PAK2: variants seen among roughly 807,000 people sequenced by gnomAD.
PAK2 encodes the protein p21 (RAC1) activated kinase 2.
Under a neutral mutation model 65.9 loss-of-function variants are expected in PAK2, and 21 were observed. The ratio of observed to expected loss-of-function variants is 0.32; its 90% CI spans 0.23 to 0.46. The LOEUF is 0.46. Ranked by LOEUF, PAK2 falls within the 20% of genes least tolerant of loss-of-function variation. The probability of loss-of-function intolerance (pLI) is 1.00; values close to 1 mark genes in which losing one functional copy is unlikely to be tolerated. For missense variants in PAK2, 324 were observed against 642.6 expected, an observed-to-expected ratio of 0.50 and a Z score of 5.36; for synonymous variants, 204 against 219.7, an observed-to-expected ratio of 0.93 and a Z score of 0.63.
rs150912971 is a variant in PAK2 at position 196,794,935 on chromosome 3, C to G, written c.188-6992C>G. Among the ~76,000 whole-genome samples the G allele has an allele frequency of 3.5e-3, 535 of 152,084 alleles. 16 individuals carry two copies. Among genetic ancestry groups the G allele is most frequent in the Admixed American group, 0.023 (359 of 15,286 alleles). ...TGGAAAGGAGGCAGCAACCTAGGCT[C>G]GGGGGTGAGGAAAAGAAAGAAAATC... On this transcript the variant is annotated intron_variant, in intron 2 of 14. Coordinates refer to ENST00000327134, the MANE Select transcript of PAK2 (RefSeq NM_002577.4).
At chr3:196,817,298 G>T (rs1711510802) in intron 11 of PAK2, among the ~76,000 whole-genome samples, 1 of 151,142 alleles carries the variant, frequency 6.6e-6, no homozygotes, top group Non-Finnish European at 1.5e-5. Flanking sequence ...CCAAGTAGCT[G>T]GGATTACAGG....
Position 196,820,573 on chromosome 3 carries a change from A to G in PAK2, c.1350+6A>G. 1 of 1,514,848 alleles carries G rather than the reference A, an allele frequency of 6.6e-7. No homozygotes were observed. Among genetic ancestry groups the G allele is most frequent in the South Asian group, 1.2e-5 (1 of 84,358 alleles). The allele number at this position is 1,514,848 out of a possible 1,614,324, so 93.8% of individuals were successfully genotyped here. A position where few individuals can be genotyped will look rare whatever the true frequency, so the allele number is the denominator to read the frequency against. Reference sequence around the variant, plus strand: ...TCAATGAAAATCCCTTGAGGGTAAGATGAGTTAAACACCAGCCTTGTTCAA... The same window carrying G: ...TCAATGAAAATCCCTTGAGGGTAAGGTGAGTTAAACACCAGCCTTGTTCAA... On this transcript the variant is annotated splice_donor_region_variant and intron_variant, in intron 13 of 14. Transcript: ENST00000327134. The surrounding 1 kb of genome is among the most constrained non-coding windows in gnomAD (Gnocchi z 4.6).
At chr3:196,770,822 TA>T (rs911570636) in intron 1 of PAK2, among the ~76,000 whole-genome samples, 2 of 151,836 alleles carry the variant, frequency 1.3e-5, no homozygotes, top group African/African-American at 4.9e-5. Context: ...AGGGCTTCAC[TA>T]TGTTGACCAG....
intron 1 of PAK2, among the ~76,000 whole-genome samples, chr3:196,749,351 C>T (rs1713494082): frequency 6.6e-6 from 1 of 152,076 alleles, no homozygotes; most frequent in South Asian, 2.1e-4. Flanking sequence ...TGTATCACTT[C>T]ACGTTTCCAC....
chr3:196,774,047 C>CA (rs1479927753), intron 1 of PAK2, among the ~76,000 whole-genome samples: 3 of 151,910 alleles, frequency 2.0e-5, no homozygotes, highest in African/African-American at 4.8e-5. Flanking sequence ...AAAACAACAA[C>CA]AAAAAAAATC....
intron 1 of PAK2, among the ~76,000 whole-genome samples, chr3:196,768,701 C>T (rs1714262690): frequency 1.3e-5 from 2 of 151,698 alleles, no homozygotes; most frequent in South Asian, 4.2e-4. Context: ...GAGTCTTGCT[C>T]TGTCCCTCAG....
chr3:196,810,474 A>C, intron 7 of PAK2, 116 bp from the exon 8 acceptor site: 1 of 698,386 alleles, frequency 1.4e-6, no homozygotes, highest in Non-Finnish European at 2.5e-6. Context: ...GGAACTTAGT[A>C]TTATGTTTGA....
chr3:196,747,401 A>G (rs1396039009), intron 1 of PAK2: 1 of 152,192 alleles, frequency 6.6e-6, no homozygotes, highest in Non-Finnish European at 1.5e-5. Context: ...TTGGCTGCAC[A>G]TTCTAATTTA....
At chr3:196,763,123 TATTGGA>T (rs1033053969) in intron 1 of PAK2, among the ~76,000 whole-genome samples, 35 of 152,024 alleles carry the variant, frequency 2.3e-4, no homozygotes, top group Non-Finnish European at 3.7e-4. Flanking sequence ...ATCCAGACCT[TATTGGA>T]GAGAGCGTGG....
rs1307116521 is a variant in PAK2 at position 196,830,235 on chromosome 3, AAAT to A, written c.*1834_*1836del. 6.6e-6 allele frequency: 1 copy of A among 152,188 alleles called. No individual in the cohort carries two copies. The highest frequency in any genetic ancestry group is 2.4e-5 in the African/African-American group (1 of 41,442). 9.4% of individuals were successfully genotyped at this position (152,188 alleles called of 1,614,324 possible). On this transcript the variant is annotated 3_prime_UTR_variant, in exon 15 of 15. Transcript: ENST00000327134. ...GGCAAGATTTTCAGAAAAATGAGTA[AAAT>A]AATTAATGAAACATATTTAGAGCAC...
At chr3:196,767,773 C>T (rs144659414) in intron 1 of PAK2, among the ~76,000 whole-genome samples, 239 of 152,142 alleles carry the variant, frequency 1.6e-3, no homozygotes, top group Non-Finnish European at 2.7e-3. Context: ...GGATTACAGG[C>T]GTGAGCCACC....
Position 196,800,390 on chromosome 3 carries a change from AAAAG to A in PAK2, c.188-1521_188-1518del, listed in dbSNP as rs764218689. ...GAATGAGACTCCCTGTTAAAAAAGA[AAAAG>A]AAAGAAAGAAAGAAATTCTCCTTAA... is the stretch of plus-strand genomic sequence containing the variant. On this transcript the variant is annotated intron_variant, in intron 2 of 14. Coordinates refer to ENST00000327134, the MANE Select transcript of PAK2 (RefSeq NM_002577.4). Among the ~76,000 whole-genome samples the A allele has an allele frequency of 1.1e-4, 16 of 152,156 alleles. No individual in the cohort carries two copies. The South Asian group carries it at 1.2e-3, about 12-fold the overall frequency.
At chr3:196,743,208 T>A (rs965860885) in intron 1 of PAK2, among the ~76,000 whole-genome samples, 2 of 152,224 alleles carry the variant, frequency 1.3e-5, no homozygotes, top group African/African-American at 4.8e-5. Flanking sequence ...CCTGCCTGGT[T>A]AAGGGTAGTC....
chr3:196,782,440 G>C (rs1471529690), intron 1 of PAK2, among the ~76,000 whole-genome samples, 186 bp from the exon 2 acceptor site: 1 of 152,092 alleles, frequency 6.6e-6, no homozygotes, highest in Admixed American at 6.6e-5. Flanking sequence ...ACCATTACCA[G>C]CTTTGTTGGG....
At chr3:196,743,395 T>C (rs1394519292) in intron 1 of PAK2, among the ~76,000 whole-genome samples, 1 of 152,196 alleles carries the variant, frequency 6.6e-6, no homozygotes, top group African/African-American at 2.4e-5. Context: ...TTCTCACCTG[T>C]AAGATGGGGA....
intron 2 of PAK2, among the ~76,000 whole-genome samples, chr3:196,786,483 C>T (rs559440908): frequency 4.6e-5 from 7 of 151,994 alleles, no homozygotes; most frequent in African/African-American, 1.7e-4. Flanking sequence ...TTTTGTGGTT[C>T]GAGCTTTTTG....
rs1712087882 is a variant in PAK2, at chr3:196,831,586, C to T, written c.*3181C>T. 6.6e-6 allele frequency: 1 copy of T among 152,294 alleles called. No homozygotes were observed. Among genetic ancestry groups the T allele is most frequent in the African/African-American group, 2.4e-5 (1 of 41,548 alleles). The allele number at this position is 152,294 out of a possible 1,614,324, so 9.4% of individuals were successfully genotyped here. A position where few individuals can be genotyped will look rare whatever the true frequency, so the allele number is the denominator to read the frequency against. On this transcript the variant is annotated 3_prime_UTR_variant, in exon 15 of 15. Transcript: ENST00000327134. ...CTAGTAACCAGCAACTGTAAACGAACCTGTGCCTCTAACAAGCGATTCTAA... is the reference window on the plus strand; with the variant it reads ...CTAGTAACCAGCAACTGTAAACGAATCTGTGCCTCTAACAAGCGATTCTAA...
chr3:196,805,815 G>T (rs1388247257), intron 5 of PAK2, among the ~76,000 whole-genome samples: 1 of 151,792 alleles, frequency 6.6e-6, no homozygotes, highest in Non-Finnish European at 1.5e-5. Flanking sequence ...TCAGTTTTTG[G>T]AAACAGTCGT....
chr3:196,812,578 C>A (rs58038636), intron 9 of PAK2, among the ~76,000 whole-genome samples, 161 bp from the exon 10 acceptor site: 1 of 151,996 alleles, frequency 6.6e-6, no homozygotes, highest in African/African-American at 2.4e-5. Context: ...CTAAACATTA[C>A]AAAGCATTGT....
Sources: gnomAD v4.1 joint callset for allele counts (sites outside exome capture counted in the v4.1 genomes callset) on GRCh38, gnomAD v4.1.1 for gene constraint, Gnocchi (gnomAD v3.1) non-coding constraint, MANE v1.5 for transcripts, NCBI Gene and HGNC (gene_info 2026-07-23, HGNC 2026-07-21) for gene names.